COTL1: variants seen among roughly 807,000 people sequenced by gnomAD.
COTL1 encodes coactosin-like protein.
Under a neutral mutation model 16.5 loss-of-function variants are expected in COTL1, and 15 were observed. The observed-to-expected ratio is 0.91, with a 90% CI of 0.61 to 1.40. The LOEUF (loss-of-function observed/expected upper bound fraction) is 1.40, where lower values mean the gene tolerates loss of function less well. COTL1 is among the 40% of genes most tolerant of loss of function. The pLI is 0.00. For missense variants in COTL1, 220 were observed against 201.5 expected, an observed-to-expected ratio of 1.09 and a Z score of -0.56; for synonymous variants, 112 against 85.3, an observed-to-expected ratio of 1.31 and a Z score of -1.73.
chr16:84,574,082 C>G (rs2150680905), intron 3 of COTL1, among the ~76,000 whole-genome samples: 1 of 152,244 alleles, frequency 6.6e-6, no homozygotes, highest in African/African-American at 2.4e-5. Context: ...GCAGGAAGAT[C>G]ACTTGAGCCT....
chr16:84,594,310 G>C (rs1904943842), intron 2 of COTL1: 1 of 152,396 alleles, frequency 6.6e-6, no homozygotes, highest in African/African-American at 2.4e-5. Flanking sequence ...TAAAGCTCCT[G>C]ACACAGGGCG....
chr16:84,588,868 C>T (rs1166689915), intron 3 of COTL1, among the ~76,000 whole-genome samples: 6 of 152,192 alleles, frequency 3.9e-5, no homozygotes, highest in Non-Finnish European at 7.3e-5. Flanking sequence ...CAGATATGTG[C>T]AACCACCATG....
intron 3 of COTL1, among the ~76,000 whole-genome samples, chr16:84,581,798 C>T (rs1404044716): frequency 6.6e-6 from 1 of 152,046 alleles, no homozygotes; most frequent in Non-Finnish European, 1.5e-5. Context: ...AGCCACTGCG[C>T]TCAGCCTCCT....
At chr16:84,606,914 T>C (rs1484455038) in intron 2 of COTL1, among the ~76,000 whole-genome samples, 1 of 152,158 alleles carries the variant, frequency 6.6e-6, no homozygotes, top group African/African-American at 2.4e-5. Flanking sequence ...ACCCAGGCAT[T>C]ACGGGTTCTC....
chr16:84,572,539 C>T (rs1904356322), intron 3 of COTL1, among the ~76,000 whole-genome samples: 1 of 152,110 alleles, frequency 6.6e-6, no homozygotes, highest in African/African-American at 2.4e-5. Context: ...CGGCTCACTG[C>T]AGGCTCAACC....
intron 3 of COTL1, among the ~76,000 whole-genome samples, chr16:84,570,655 T>G (rs994541624): frequency 6.6e-6 from 1 of 152,218 alleles, no homozygotes; most frequent in African/African-American, 2.4e-5. Context: ...AGGGTCATCC[T>G]GCAACTTGAT....
intron 3 of COTL1, among the ~76,000 whole-genome samples, chr16:84,578,392 C>G (rs1232888619): frequency 1.3e-5 from 2 of 152,212 alleles, no homozygotes; most frequent in African/African-American, 4.8e-5. Flanking sequence ...TAAATACTAT[C>G]TACGTAACAC....
intron 2 of COTL1, among the ~76,000 whole-genome samples, chr16:84,612,470 G>C (rs1211539743): frequency 6.6e-6 from 1 of 152,040 alleles, no homozygotes; most frequent in South Asian, 2.1e-4. Context: ...ATGCCTCTAC[G>C]AGTGCTATCA....
chr16:84,597,310 C>G (rs552836164), intron 2 of COTL1, among the ~76,000 whole-genome samples: 1 of 152,198 alleles, frequency 6.6e-6, no homozygotes, highest in Non-Finnish European at 1.5e-5. Context: ...AGATTCTTCT[C>G]CTCTGTGAGG....
intron 2 of COTL1, among the ~76,000 whole-genome samples, chr16:84,599,053 C>T (rs868829606): frequency 1.4e-4 from 21 of 152,148 alleles, no homozygotes; most frequent in South Asian, 4.1e-4. Flanking sequence ...GGCATATGGT[C>T]CCCACTAAGC....
At position 84,566,605 on chromosome 16, in the gene COTL1, G is replaced by A. The variant is rs1471167019; in HGVS notation, c.*240C>T. On this transcript the variant is annotated 3_prime_UTR_variant, in exon 4 of 4. Transcript: ENST00000262428. ...TGACTTTTCTTTAGAACAAAAAAGA[G>A]GGGGAGAAAAGAAAAAGAAGATCAA... The A allele has an allele frequency of 4.2e-6, 2 of 476,762 alleles. No homozygotes were observed. Among genetic ancestry groups the A allele is most frequent in the Non-Finnish European group, 3.7e-6 (1 of 267,584 alleles). 29.5% of individuals were successfully genotyped at this position (476,762 alleles called of 1,614,324 possible).
At chr16:84,582,214 C>T (rs1005682957) in intron 3 of COTL1, among the ~76,000 whole-genome samples, 39 of 151,808 alleles carry the variant, frequency 2.6e-4, no homozygotes, top group African/African-American at 8.0e-4. Context: ...AGGTTGGTCG[C>T]GAACTCCTGA....
intron 2 of COTL1, among the ~76,000 whole-genome samples, chr16:84,597,686 T>G (rs554940889): frequency 6.6e-6 from 1 of 152,070 alleles, no homozygotes; most frequent in South Asian, 2.1e-4. Context: ...GAGACAAAGG[T>G]CTCAAGGACA....
At chr16:84,581,707 G>T (rs1443618486) in intron 3 of COTL1, among the ~76,000 whole-genome samples, 2 of 152,118 alleles carry the variant, frequency 1.3e-5, no homozygotes, top group Non-Finnish European at 1.5e-5. Flanking sequence ...AGTTCCCCAT[G>T]TTGGCCTGGC....
chr16:84,577,377 T>G (rs976422260), intron 3 of COTL1, among the ~76,000 whole-genome samples: 1 of 152,198 alleles, frequency 6.6e-6, no homozygotes, highest in African/African-American at 2.4e-5. Context: ...CCCAAGTAGC[T>G]GGGACTACAG....
intron 3 of COTL1, among the ~76,000 whole-genome samples, chr16:84,573,198 G>C (rs1904370454): frequency 2.6e-5 from 4 of 152,198 alleles, no homozygotes; most frequent in Admixed American, 6.5e-5. Flanking sequence ...GTACTGACGA[G>C]GTCCTTTACA....
chr16:84,616,523 A>G (rs766455678), intron 2 of COTL1: 16 of 151,884 alleles, frequency 1.1e-4, no homozygotes, highest in Non-Finnish European at 1.8e-4. Context: ...AAATAAATAA[A>G]TAAATAAATA....
chr16:84,572,919 AT>A (rs56198127), intron 3 of COTL1, among the ~76,000 whole-genome samples: 19,240 of 145,732 alleles, frequency 0.13, 1,450 homozygotes, highest in East Asian at 0.32. Context: ...TGCCCGACTA[AT>A]TTTTTTTTTT....
At chr16:84,599,214 G>A (rs1457553683) in intron 2 of COTL1, among the ~76,000 whole-genome samples, 2 of 152,008 alleles carry the variant, frequency 1.3e-5, no homozygotes, top group Non-Finnish European at 2.9e-5. Flanking sequence ...GGGGGCCTCT[G>A]CCTTTTCCCC....
Sources: allele counts gnomAD v4.1 joint callset (sites outside exome capture counted in the v4.1 genomes callset), GRCh38; gene constraint gnomAD v4.1.1; transcripts MANE v1.5; gene names NCBI Gene and HGNC (gene_info 2026-07-23, HGNC 2026-07-21).